The following SLC25A48 variants were observed in gnomAD, a reference collection of about 807,000 sequenced individuals.
SLC25A48 encodes the protein CTC-321K16.1.
Under a neutral mutation model 32.2 loss-of-function variants are expected in SLC25A48, and 29 were observed. That is an observed-to-expected ratio of 0.90 (90% CI 0.67 to 1.23). SLC25A48 has a LOEUF of 1.23. Ranked by LOEUF, SLC25A48 falls within the 50% of genes most tolerant of loss-of-function variation. SLC25A48 has a pLI of 0.00. For synonymous variants in SLC25A48, 164 were observed against 172.3 expected (o/e 0.95, Z 0.38); for missense variants, 399 against 422.7 (o/e 0.94, Z 0.49).
rs146645258 is a variant in SLC25A48 at position 135,675,693 on chromosome 5, C to T, written c.-521+40737C>T. ...TTGCTTTGGCTATTTAAGCTTTTAT[C>T]GGTTCCATATGAATTTTAGGGTTAC... On this transcript the variant is annotated intron_variant, in intron 3 of 10. Transcript: ENST00000646290. Among the ~76,000 whole-genome samples, 304 of 151,924 alleles carry T rather than the reference C, an allele frequency of 2.0e-3. 1 individual carries two copies. Among genetic ancestry groups the T allele is most frequent in the African/African-American group, 6.6e-3 (276 of 41,524 alleles).
chr5:135,805,113 A>G (rs1164049912), intron 3 of SLC25A48, among the ~76,000 whole-genome samples: 6 of 150,966 alleles, frequency 4.0e-5, no homozygotes, highest in Admixed American at 1.3e-4. Context: ...TTATAGGGAG[A>G]TATTACTCCT....
intron 3 of SLC25A48, among the ~76,000 whole-genome samples, chr5:135,705,865 G>T (rs1248570730): frequency 6.6e-5 from 10 of 152,148 alleles, no homozygotes; most frequent in Admixed American, 6.5e-4. Flanking sequence ...GGTCCCCATG[G>T]CAAAGTCTCC....
upstream of SLC25A48, among the ~76,000 whole-genome samples, chr5:135,833,787 T>C (rs1758299231): frequency 1.3e-5 from 2 of 152,198 alleles, no homozygotes; most frequent in South Asian, 4.1e-4. Flanking sequence ...CAGGCCTTTG[T>C]AGGATCAAGC....
intron 3 of SLC25A48, among the ~76,000 whole-genome samples, chr5:135,715,725 T>G (rs1398904929): frequency 1.3e-5 from 2 of 152,204 alleles, no homozygotes; most frequent in East Asian, 3.9e-4. Flanking sequence ...TGCTAATGCC[T>G]CCTGAAAGAA....
At chr5:135,758,926 A>G (rs1034234055) in intron 3 of SLC25A48, among the ~76,000 whole-genome samples, 5 of 151,032 alleles carry the variant, frequency 3.3e-5, no homozygotes, top group East Asian at 2.0e-4. Flanking sequence ...TTAAGTGTTA[A>G]CACATTATGA....
intron 3 of SLC25A48, chr5:135,653,780 A>G (rs1015928040): frequency 2.2e-5 from 10 of 456,058 alleles, no homozygotes; most frequent in African/African-American, 1.4e-4. Context: ...GGCCATGTCC[A>G]TGATGGGTGG....
rs375398273 is a variant in SLC25A48 at position 135,617,045 on chromosome 5, T to C, written c.-848-12192T>C. Among the ~76,000 whole-genome samples the C allele has an allele frequency of 1.8e-4, 28 of 152,282 alleles. 1 individual carries two copies. Among genetic ancestry groups the C allele is most frequent in the African/African-American group, 6.3e-4 (26 of 41,538 alleles). On this transcript the variant is annotated intron_variant, in intron 1 of 10. Transcript: ENST00000646290. ...AGAGGATAATTGGTGTTATTTCTTCTTTGAAAATTTGGTAGAATTAATCAA... is the reference window on the plus strand; with the variant it reads ...AGAGGATAATTGGTGTTATTTCTTCCTTGAAAATTTGGTAGAATTAATCAA...
intron 3 of SLC25A48, among the ~76,000 whole-genome samples, chr5:135,763,120 G>C (rs10063267): frequency 1.3e-5 from 2 of 152,124 alleles, no homozygotes; most frequent in African/African-American, 4.8e-5. Context: ...GGAAGAAAAA[G>C]ACAGTTGAAA....
intron 1 of SLC25A48, among the ~76,000 whole-genome samples, chr5:135,840,239 G>C (rs1221680652): frequency 6.6e-6 from 1 of 152,158 alleles, no homozygotes; most frequent in Non-Finnish European, 1.5e-5. Flanking sequence ...CAGGCTCTCT[G>C]CTAGGTATTT....
At chr5:135,702,035 G>A (rs927405381) in intron 3 of SLC25A48, among the ~76,000 whole-genome samples, 2 of 152,196 alleles carry the variant, frequency 1.3e-5, no homozygotes, top group African/African-American at 4.8e-5. Context: ...AGATGAGCCT[G>A]GAGATACTGC....
chr5:135,588,740 AAC>A (rs1389043606), intron 1 of SLC25A48, among the ~76,000 whole-genome samples: 1 of 151,430 alleles, frequency 6.6e-6, no homozygotes, highest in African/African-American at 2.5e-5. Flanking sequence ...CTGAGGTCAG[AAC>A]ACATGTGATG....
chr5:135,818,053 TCCTCTCTCTCTCTCTCTC>T (rs1451298055), intron 4 of SLC25A48, among the ~76,000 whole-genome samples: 15 of 46,582 alleles, frequency 3.2e-4, no homozygotes, highest in African/African-American at 1.5e-3. Flanking sequence ...TTCTCTCTGT[TCCTCTCTCTCTCTCTCTC>T]TCTCTCTCTC....
At chr5:135,613,926 T>A (rs1460271154) in intron 1 of SLC25A48, among the ~76,000 whole-genome samples, 2 of 152,254 alleles carry the variant, frequency 1.3e-5, no homozygotes, top group East Asian at 3.8e-4. Flanking sequence ...CTATTCAGGC[T>A]CTTTTATGAT....
intron 3 of SLC25A48, among the ~76,000 whole-genome samples, chr5:135,786,913 A>G: frequency 6.6e-6 from 1 of 152,160 alleles, no homozygotes; most frequent in Admixed American, 6.5e-5. Flanking sequence ...CCATGTGTGT[A>G]CATCCTGTGA....
chr5:135,598,671 G>A (rs1463647017), intron 1 of SLC25A48, among the ~76,000 whole-genome samples: 1 of 152,132 alleles, frequency 6.6e-6, no homozygotes, highest in Non-Finnish European at 1.5e-5. Flanking sequence ...GGTTATAGGA[G>A]GAACTATGAA....
chr5:135,861,728 A>T (rs984651520), intron 4 of SLC25A48, among the ~76,000 whole-genome samples: 4 of 152,196 alleles, frequency 2.6e-5, no homozygotes, highest in Non-Finnish European at 5.9e-5. Context: ...TATTTCCCTA[A>T]ATGTGTGGGC....
intron 4 of SLC25A48, chr5:135,826,019 G>A (rs985741016): frequency 1.3e-5 from 2 of 152,386 alleles, no homozygotes; most frequent in Admixed American, 6.5e-5. Flanking sequence ...GGCTCCCAGA[G>A]GTCAGTCAGT....
chr5:135,862,864 G>T (rs1291192154), intron 4 of SLC25A48, among the ~76,000 whole-genome samples: 1 of 152,160 alleles, frequency 6.6e-6, no homozygotes, highest in Non-Finnish European at 1.5e-5. Flanking sequence ...AGTAAGTTGG[G>T]AAGCGCTTGG....
At chr5:135,603,859 AGTGGGAG>A (rs75004128) in intron 1 of SLC25A48, among the ~76,000 whole-genome samples, 2 of 151,026 alleles carry the variant, frequency 1.3e-5, no homozygotes, top group Non-Finnish European at 3.0e-5. Flanking sequence ...TCCACTGTGA[AGTGGGAG>A]GTGGGAGGTG....
Sources: gnomAD v4.1 joint callset for allele counts (sites outside exome capture counted in the v4.1 genomes callset) on GRCh38, gnomAD v4.1.1 for gene constraint, MANE v1.5 for transcripts, NCBI Gene and HGNC (gene_info 2026-07-23, HGNC 2026-07-21) for gene names.